LORICRIN: variants seen among roughly 807,000 people sequenced by gnomAD.
The protein encoded by LORICRIN is loricrin cornified envelope precursor protein.
In LORICRIN, 5 loss-of-function variants were observed where a neutral mutation model predicts 3.3. The observed-to-expected ratio is 1.52, with a 90% CI of 0.79 to 3.19. The LOEUF (loss-of-function observed/expected upper bound fraction) is 3.19. LORICRIN is among the 30% of genes most tolerant of loss of function. The pLI is 0.00. For missense variants in LORICRIN, 524 were observed against 460.2 expected (o/e 1.14, Z -1.27); for synonymous variants, 237 against 231.4 (o/e 1.02, Z -0.22).
At chr1:153,260,610 C>G (rs1250783901) in intron 1 of LORICRIN, among the ~76,000 whole-genome samples, 1 of 152,232 alleles carries the variant, frequency 6.6e-6, no homozygotes, top group East Asian at 1.9e-4. Flanking sequence ...GTGTTCAAAC[C>G]CTTTCATTTA....
chr1:153,261,969 A>T lies in LORICRIN; in HGVS notation c.*81A>T, dbSNP rs1257475703. On this transcript the variant is annotated 3_prime_UTR_variant, in exon 2 of 2. Coordinates refer to ENST00000368742, the MANE Select transcript of LORICRIN (RefSeq NM_000427.3). ...ATGGGCTTAGAGCTCTCATGATGCT[A>T]CCCGAGGTTTGCAAATCCTTCATGT... 7.0e-7 allele frequency: 1 copy of T among 1,431,700 alleles called. No homozygotes were observed. The highest frequency in any genetic ancestry group is 9.7e-7 in the Non-Finnish European group (1 of 1,035,234). 88.7% of individuals were successfully genotyped at this position (1,431,700 alleles called of 1,614,324 possible).
At position 153,261,100 on chromosome 1, in the gene LORICRIN, T is replaced by C; in HGVS notation, c.151T>C (p.Cys51Arg). ...GSGGGSSGSG[C>R]GYSGGGGYSG... ...AGGGGGCGGTAGCAGCGGTTCTGGC[T>C]GCGGCTACTCCGGCGGCGGTGGCTA... The change falls in exon 2 of 2, where the codon TGC (cysteine) becomes CGC (arginine). Residue 51 changes from cysteine (C) to arginine (R), a missense_variant. Transcript: ENST00000368742. The C allele has an allele frequency of 2.1e-6, 3 of 1,423,694 alleles. No homozygotes were observed. In the East Asian group the frequency reaches 8.8e-5, roughly 42 times the overall value. The allele number at this position is 1,423,694 out of a possible 1,614,324, so 88.2% of individuals were successfully genotyped here.
intron 1 of LORICRIN, 90 bp from the exon 2 acceptor site, chr1:153,260,837 G>T: frequency 1.1e-6 from 1 of 930,828 alleles, no homozygotes; most frequent in Non-Finnish European, 1.7e-6. Context: ...AAGGAGCCCT[G>T]GGAGGATGGC....
chr1:153,261,015 C>A lies in LORICRIN; in HGVS notation c.66C>A (p.Gly22=). The A allele has an allele frequency of 6.4e-7, 1 of 1,567,712 alleles. No homozygotes were observed. Among genetic ancestry groups the A allele is most frequent in the Non-Finnish European group, 8.7e-7 (1 of 1,154,074 alleles). ...PPVDCVKTSG[G]GGGGGGSGGG... is the part of the protein sequence containing the mutation. ...TGGACTGCGTGAAGACCTCTGGCGG[C>A]GGTGGCGGTGGCGGCGGCAGCGGCG... The change falls in exon 2 of 2, where the codon GGC becomes GGA. Residue 22 remains glycine (G), a synonymous_variant. Transcript: ENST00000368742.
chr1:153,261,895 C>T lies in LORICRIN; in HGVS notation c.*7C>T, dbSNP rs1196963725. The T allele has an allele frequency of 1.9e-6, 3 of 1,610,310 alleles. No individual in the cohort carries two copies. Among genetic ancestry groups the T allele is most frequent in the South Asian group, 1.1e-5 (1 of 90,388 alleles). On this transcript the variant is annotated 3_prime_UTR_variant, in exon 2 of 2. Coordinates refer to ENST00000368742, the MANE Select transcript of LORICRIN (RefSeq NM_000427.3). ...TACCTGGCCGTCCAAATAGATCCCC[C>T]AGGGTACCACGGAGGCGAAGGAGTT...
In LORICRIN at chr1:153,261,629, G is replaced by T. The variant is rs1416390855; in HGVS notation, c.680G>T (p.Gly227Val). ...TSCAPQPSYG[G>V]GSSGGGGSGG... ...TGCGCGCCCCAGCCGAGTTACGGAGGGGGGTCGTCCGGCGGCGGCGGCAGC... is the reference window on the plus strand; with the variant it reads ...TGCGCGCCCCAGCCGAGTTACGGAGTGGGGTCGTCCGGCGGCGGCGGCAGC... The change falls in exon 2 of 2, where the codon GGG becomes GTG. Residue 227 changes from glycine (G) to valine (V), a missense_variant. Coordinates refer to ENST00000368742, the MANE Select transcript of LORICRIN (RefSeq NM_000427.3). The T allele has an allele frequency of 1.4e-5, 21 of 1,516,474 alleles. No homozygotes were observed. The South Asian group carries it at 1.5e-4, about 11-fold the overall frequency. The allele number at this position is 1,516,474 out of a possible 1,614,324, so 93.9% of individuals were successfully genotyped here. A position where few individuals can be genotyped will look rare whatever the true frequency, so the allele number is the denominator to read the frequency against.
In LORICRIN at chr1:153,261,173, G is replaced by T; in HGVS notation, c.224G>T (p.Gly75Val). ...GGGSSGGGGG[G>V]GIGGCGGGSG... ...GGCTCCTCCGGCGGCGGGGGCGGGG[G>T]CGGCATTGGAGGCTGCGGAGGGGGC... is the stretch of plus-strand genomic sequence containing the variant. Residue 75 changes from glycine (G) to valine (V), a missense_variant, in exon 2 of 2, where the codon GGC becomes GTC. By Grantham distance (109) the Gly-to-Val change is moderately radical. Transcript: ENST00000368742. 1.5e-6 allele frequency: 2 copies of T among 1,338,134 alleles called. No individual in the cohort carries two copies. The highest frequency in any genetic ancestry group is 1.9e-6 in the Non-Finnish European group (2 of 1,054,486). The allele number at this position is 1,338,134 out of a possible 1,614,324, so 82.9% of individuals were successfully genotyped here.
rs1363169049 is a variant in LORICRIN at position 153,261,383 on chromosome 1, C to T, written c.434C>T (p.Ser145Phe). The T allele has an allele frequency of 1.2e-5, 17 of 1,461,718 alleles. No individual in the cohort carries two copies. Among genetic ancestry groups the T allele is most frequent in the African/African-American group, 1.6e-5 (1 of 60,780 alleles). The allele number at this position is 1,461,718 out of a possible 1,614,324, so 90.5% of individuals were successfully genotyped here. Residue 145 changes from serine to phenylalanine, a missense_variant, in exon 2 of 2, where the codon TCC becomes TTC. By Grantham distance (155) the Ser-to-Phe change is radical. Coordinates refer to ENST00000368742, the MANE Select transcript of LORICRIN (RefSeq NM_000427.3). ...TCCGGGGGCGGCTCCGGCTGCTTCT[C>T]CTCCGGCGGCGGCGGCTTCTCGGGC... ...GSSGGGSGCF[S>F]SGGGGFSGQA...
At position 153,261,090 on chromosome 1, in the gene LORICRIN, C is replaced by A. The variant is rs752360018; in HGVS notation, c.141C>A (p.Ser47Arg). ...GCGGCGGCTCAGGGGGCGGTAGCAG[C>A]GGTTCTGGCTGCGGCTACTCCGGCG... ...FGGGGSGGGS[S>R]GSGCGYSGGG... is the part of the protein sequence containing the mutation. The change falls in exon 2 of 2, where the codon AGC (serine) becomes AGA (arginine). Residue 47 changes from serine to arginine, a missense_variant. Coordinates refer to ENST00000368742, the MANE Select transcript of LORICRIN (RefSeq NM_000427.3). 34 of 1,471,806 alleles carry A rather than the reference C, an allele frequency of 2.3e-5. No individual in the cohort carries two copies. The East Asian group carries it at 9.0e-4, about 39-fold the overall frequency. 91.2% of individuals were successfully genotyped at this position (1,471,806 alleles called of 1,614,324 possible).
Position 153,262,108 on chromosome 1 carries a change from T to C in LORICRIN, c.*220T>C. ...AACCCCAGTGCCTCAGTCAATAAAT[T>C]TGCAAATTCATGAGAATTTTTAGGT... On this transcript the variant is annotated 3_prime_UTR_variant, in exon 2 of 2. Coordinates refer to ENST00000368742, the MANE Select transcript of LORICRIN (RefSeq NM_000427.3). 1.6e-6 allele frequency: 1 copy of C among 619,004 alleles called. No individual in the cohort carries two copies. Among genetic ancestry groups the C allele is most frequent in the Non-Finnish European group, 2.9e-6 (1 of 342,558 alleles). The allele number at this position is 619,004 out of a possible 1,614,324, so 38.3% of individuals were successfully genotyped here.
chr1:153,260,681 T>C lies in LORICRIN; in HGVS notation c.-23-246T>C, dbSNP rs150805409. On this transcript the variant is annotated intron_variant, in intron 1 of 1. Coordinates refer to ENST00000368742, the MANE Select transcript of LORICRIN (RefSeq NM_000427.3). ...CTGCCCTCAAATCACACAACAGTGG[T>C]CAGAGGCAGAGCTGGGAGAAAGAAT... Among the ~76,000 whole-genome samples, 302 of 152,248 alleles carry C rather than the reference T, an allele frequency of 2.0e-3. 12 individuals are homozygous for C. In the East Asian group the frequency reaches 0.041, roughly 21 times the overall value.
At chr1:153,260,836 T>A in intron 1 of LORICRIN, 91 bp from the exon 2 acceptor site, 1 of 925,932 alleles carries the variant, frequency 1.1e-6, no homozygotes, top group Non-Finnish European at 1.7e-6. Flanking sequence ...GAAGGAGCCC[T>A]GGGAGGATGG....
rs955215389 is a variant in LORICRIN at position 153,261,168 on chromosome 1, C to A, written c.219C>A (p.Gly73=). The change falls in exon 2 of 2, where the codon GGC becomes GGA. Residue 73 remains glycine, a synonymous_variant. Transcript: ENST00000368742. ...GCGGGSSGGG[G]GGGIGGCGGG... ...GCGGGGGCTCCTCCGGCGGCGGGGG[C>A]GGGGGCGGCATTGGAGGCTGCGGAG... 10 of 1,329,784 alleles carry A rather than the reference C, an allele frequency of 7.5e-6. No homozygotes were observed. The highest frequency in any genetic ancestry group is 4.2e-5 in the Admixed American group (1 of 23,548). The allele number at this position is 1,329,784 out of a possible 1,614,324, so 82.4% of individuals were successfully genotyped here.
Position 153,261,488 on chromosome 1 carries a change from GCGGGGGCGGCGGCTCTGTCTGCGGCTA to G in LORICRIN, c.541_567del (p.Gly181_Tyr189del). 6.7e-7 allele frequency: 1 copy of G among 1,497,862 alleles called. No individual in the cohort carries two copies. The highest frequency in any genetic ancestry group is 8.9e-7 in the Non-Finnish European group (1 of 1,126,990). The allele number at this position is 1,497,862 out of a possible 1,614,324, so 92.8% of individuals were successfully genotyped here. A position where few individuals can be genotyped will look rare whatever the true frequency, so the allele number is the denominator to read the frequency against. The stretch of plus-strand genomic sequence containing the variant: ...GGCGGCTCCGGCTGCTTCTCCAGCG[GCGGGGGCGGCGGCTCTGTCTGCGGCTA>G]CTCTGGCGGCGGCTCTGGCTGCGGC... On this transcript the variant is annotated inframe_deletion, in exon 2 of 2. Transcript: ENST00000368742.
intron 1 of LORICRIN, 83 bp downstream of exon 1, chr1:153,259,816 T>C (rs1017520904): frequency 2.6e-5 from 4 of 152,272 alleles, no homozygotes; most frequent in African/African-American, 9.7e-5. Context: ...AGGGCCTCTT[T>C]CCCCTTTGGG....
In LORICRIN at chr1:153,261,253, G is replaced by A; in HGVS notation, c.304G>A (p.Gly102Ser). The part of the protein sequence containing the change: ...GGGGSSGGGS[G>S]CFSSGGGGSG... Reference sequence around the variant, plus strand: ...CGGCGGCTCCTCCGGCGGGGGCTCTGGCTGTTTCTCCAGCGGTGGGGGCGG... The same window carrying A: ...CGGCGGCTCCTCCGGCGGGGGCTCTAGCTGTTTCTCCAGCGGTGGGGGCGG... The change falls in exon 2 of 2, where the codon GGC (glycine) becomes AGC (serine). Residue 102 changes from glycine (G) to serine (S), a missense_variant. Coordinates refer to ENST00000368742, the MANE Select transcript of LORICRIN (RefSeq NM_000427.3). 7.2e-7 allele frequency: 1 copy of A among 1,397,250 alleles called. No individual in the cohort carries two copies. Among genetic ancestry groups the A allele is most frequent in the Non-Finnish European group, 9.2e-7 (1 of 1,083,580 alleles). 86.6% of individuals were successfully genotyped at this position (1,397,250 alleles called of 1,614,324 possible).
chr1:153,261,850 A>C lies in LORICRIN; in HGVS notation c.901A>C (p.Thr301Pro). 1 of 1,611,716 alleles carries C rather than the reference A, an allele frequency of 6.2e-7. No individual in the cohort carries two copies. The highest frequency in any genetic ancestry group is 8.5e-7 in the Non-Finnish European group (1 of 1,179,580). ...CAAGGGCGTCCCGATCTGCCACCAG[A>C]CCCAGCAGAAGCAGGCGCCTACCTG... ...SGKGVPICHQ[T>P]QQKQAPTWPS... is the part of the protein sequence containing the mutation. The change falls in exon 2 of 2, where the codon ACC (threonine) becomes CCC (proline). Residue 301 changes from threonine (T) to proline (P), a missense_variant. Physicochemically the swap from Thr to Pro is conservative, Grantham distance 38. Transcript: ENST00000368742.
Position 153,261,862 on chromosome 1 carries a change from C to T in LORICRIN, c.913C>T (p.Gln305Ter). The T allele has an allele frequency of 1.2e-6, 2 of 1,611,718 alleles. No homozygotes were observed. The highest frequency in any genetic ancestry group is 1.1e-5 in the South Asian group (1 of 90,706). Residue 305 changes from glutamine to a stop codon, truncating the protein, a stop_gained, in exon 2 of 2, where the codon CAG becomes TAG. Coordinates refer to ENST00000368742, the MANE Select transcript of LORICRIN (RefSeq NM_000427.3). LOFTEE classifies it high-confidence loss of function. Reference protein sequence around the residue: ...VPICHQTQQKQAPTWPSK With the variant: ...VPICHQTQQK ...GATCTGCCACCAGACCCAGCAGAAG[C>T]AGGCGCCTACCTGGCCGTCCAAATA...
In LORICRIN at chr1:153,262,053, G is replaced by A. The variant is rs1280553393; in HGVS notation, c.*165G>A. On this transcript the variant is annotated 3_prime_UTR_variant, in exon 2 of 2. Coordinates refer to ENST00000368742, the MANE Select transcript of LORICRIN (RefSeq NM_000427.3). ...CGGCTGCATCTAGTTCTGCTGTTTA[G>A]CCTCTTTGGTTTCTGTACAACTACC... 2.5e-6 allele frequency: 2 copies of A among 799,970 alleles called. No individual in the cohort carries two copies. The highest frequency in any genetic ancestry group is 4.5e-5 in the Admixed American group (2 of 44,588). The allele number at this position is 799,970 out of a possible 1,614,324, so 49.6% of individuals were successfully genotyped here. A position where few individuals can be genotyped will look rare whatever the true frequency, so the allele number is the denominator to read the frequency against.
Sources: gnomAD v4.1 joint callset for allele counts (sites outside exome capture counted in the v4.1 genomes callset) on GRCh38, gnomAD v4.1.1 for gene constraint, MANE v1.5 for transcripts, NCBI Gene and HGNC (gene_info 2026-07-23, HGNC 2026-07-21) for gene names.